CHL1: variants seen among roughly 807,000 people sequenced by gnomAD.
The protein encoded by CHL1 is neural cell adhesion molecule L1-like protein.
A neutral mutation model predicts 141.9 loss-of-function variants in CHL1; 96 were observed. That is an observed-to-expected ratio of 0.68 (90% confidence interval 0.57 to 0.80). The LOEUF is 0.80. CHL1 is among the 30% of genes least tolerant of loss of function. The probability of loss-of-function intolerance (pLI) is 0.00; values close to 1 mark genes in which losing one functional copy is unlikely to be tolerated. For synonymous variants in CHL1, 613 were observed against 502.2 expected, an observed-to-expected ratio of 1.22 and a Z score of -2.95; for missense variants, 1,820 against 1,457.2, an observed-to-expected ratio of 1.25 and a Z score of -4.05.
At chr3:378,964 A>T (rs1706691227) in intron 16 of CHL1, among the ~76,000 whole-genome samples, 1 of 151,966 alleles carries the variant, frequency 6.6e-6, no homozygotes, top group African/African-American at 2.4e-5. Flanking sequence ...AGCTACAGAC[A>T]TTTGTTCTGT....
intron 2 of CHL1, among the ~76,000 whole-genome samples, chr3:253,546 C>T (rs162736): frequency 0.17 from 25,169 of 152,108 alleles, 2,335 homozygotes; most frequent in East Asian, 0.39. Context: ...GTTAGTTTAG[C>T]TTAGTTTGAT....
chr3:203,500 C>G (rs1161278225), intron 1 of CHL1, among the ~76,000 whole-genome samples: 4 of 152,216 alleles, frequency 2.6e-5, no homozygotes, highest in Non-Finnish European at 5.9e-5. Flanking sequence ...AGATCCTACT[C>G]CAAAGAGGTA....
At chr3:325,678 T>C (rs943616584) in intron 3 of CHL1, among the ~76,000 whole-genome samples, 10 of 152,048 alleles carry the variant, frequency 6.6e-5, no homozygotes, top group Admixed American at 5.3e-4. Flanking sequence ...TATTTTTAAA[T>C]TGTGATGACA....
chr3:372,685 G>T (rs2125333407), intron 15 of CHL1, among the ~76,000 whole-genome samples: 1 of 152,140 alleles, frequency 6.6e-6, no homozygotes, highest in African/African-American at 2.4e-5. Flanking sequence ...GAGGAGAGGG[G>T]TTTTTAGCAT....
chr3:275,437 C>G (rs1043960566), intron 2 of CHL1, among the ~76,000 whole-genome samples: 2 of 152,090 alleles, frequency 1.3e-5, no homozygotes, highest in Non-Finnish European at 2.9e-5. Flanking sequence ...TTTCTTATTC[C>G]TCTTGCTATA....
chr3:366,980 G>T (rs1216517494), intron 15 of CHL1, among the ~76,000 whole-genome samples: 1 of 152,172 alleles, frequency 6.6e-6, no homozygotes, highest in Non-Finnish European at 1.5e-5. Flanking sequence ...AATCATATCT[G>T]GGATTCTTCC....
chr3:211,049 G>A (rs1699863343), intron 1 of CHL1, among the ~76,000 whole-genome samples: 1 of 152,108 alleles, frequency 6.6e-6, no homozygotes, highest in African/African-American at 2.4e-5. Context: ...CATTTATCTG[G>A]GAAGTGACTT....
chr3:400,886 A>T (rs2106425169), intron 26 of CHL1, among the ~76,000 whole-genome samples: 1 of 146,624 alleles, frequency 6.8e-6, no homozygotes, highest in African/African-American at 2.5e-5. Flanking sequence ...GATGTATAAC[A>T]ACCAAATGAC....
At chr3:358,632 C>G (rs1388952009) in intron 11 of CHL1, among the ~76,000 whole-genome samples, 1 of 152,080 alleles carries the variant, frequency 6.6e-6, no homozygotes, top group East Asian at 1.9e-4. Flanking sequence ...TCTCTGGTAG[C>G]TGCTCTTTGG....
intron 2 of CHL1, among the ~76,000 whole-genome samples, chr3:279,651 TG>T (rs756496006): frequency 6.6e-6 from 1 of 152,188 alleles, no homozygotes; most frequent in Non-Finnish European, 1.5e-5. Flanking sequence ...TCTATGGTTT[TG>T]GAAATTGATG....
intron 2 of CHL1, among the ~76,000 whole-genome samples, chr3:302,801 G>C (rs905549013): frequency 2.6e-5 from 4 of 152,226 alleles, no homozygotes; most frequent in African/African-American, 9.6e-5. Flanking sequence ...TAGTGTTTTA[G>C]ACATGAATTC....
chr3:352,437 T>C (rs1703350896), intron 10 of CHL1, among the ~76,000 whole-genome samples: 1 of 152,226 alleles, frequency 6.6e-6, no homozygotes, highest in South Asian at 2.1e-4. Flanking sequence ...GACATTTGCA[T>C]CTGTTTCCAG....
At chr3:338,310 C>A (rs1482064843) in intron 5 of CHL1, among the ~76,000 whole-genome samples, 1 of 152,104 alleles carries the variant, frequency 6.6e-6, no homozygotes. Context: ...AGTGTAATTA[C>A]CTCATTTACC....
chr3:318,463 A>G (rs1010674608), intron 2 of CHL1, among the ~76,000 whole-genome samples: 1 of 151,866 alleles, frequency 6.6e-6, no homozygotes, highest in Non-Finnish European at 1.5e-5. Flanking sequence ...AAATTATTGT[A>G]TTATTACCTG....
chr3:226,795 C>A (rs1701394467), intron 1 of CHL1, among the ~76,000 whole-genome samples: 1 of 151,996 alleles, frequency 6.6e-6, no homozygotes. Context: ...ATCTTTTAAT[C>A]ATTCTCCAAA....
intron 18 of CHL1, among the ~76,000 whole-genome samples, chr3:383,452 C>G (rs1233688677): frequency 6.6e-6 from 1 of 151,958 alleles, no homozygotes; most frequent in Admixed American, 6.6e-5. Flanking sequence ...TTTCTAATGA[C>G]AATTCTAATA....
intron 14 of CHL1, 31 bp from the exon 15 acceptor site, chr3:365,919 T>C (rs1314941340): frequency 1.3e-6 from 2 of 1,589,310 alleles, no homozygotes; most frequent in Admixed American, 3.4e-5. Flanking sequence ...TACGCTTAGT[T>C]CTAACTAATA....
chr3:340,712 A>T (rs1702282408), intron 5 of CHL1, 82 bp from the exon 6 acceptor site: 4 of 1,198,620 alleles, frequency 3.3e-6, no homozygotes, highest in South Asian at 1.5e-5. Flanking sequence ...TGAATTTTGA[A>T]AAAAAAGAAC....
intron 2 of CHL1, among the ~76,000 whole-genome samples, chr3:313,941 G>T (rs1699952204): frequency 6.6e-6 from 1 of 152,132 alleles, no homozygotes; most frequent in African/African-American, 2.4e-5. Flanking sequence ...AACCAAGAAA[G>T]AAAAAGCAAT....
Sources: gnomAD v4.1 joint callset for allele counts (sites outside exome capture counted in the v4.1 genomes callset) on GRCh38, gnomAD v4.1.1 for gene constraint, MANE v1.5 for transcripts, NCBI Gene and HGNC (gene_info 2026-07-23, HGNC 2026-07-21) for gene names.